TMEM230: variants seen among roughly 807,000 people sequenced by gnomAD.
TMEM230 encodes the protein transmembrane protein 230.
In TMEM230, 10 loss-of-function variants were observed where a neutral mutation model predicts 15.8. The ratio of observed to expected loss-of-function variants is 0.63; its 90% CI spans 0.39 to 1.07. The LOEUF (loss-of-function observed/expected upper bound fraction) is 1.07. Among genes scored for constraint, TMEM230 ranks in the 50% least tolerant of loss-of-function variants. The pLI is 0.01. For synonymous variants in TMEM230, 67 were observed against 76.9 expected (o/e 0.87, Z 0.68); for missense variants, 165 against 193.3 (o/e 0.85, Z 0.87).
chr20:5,103,951 C>G (rs6116650), intron 4 of TMEM230, among the ~76,000 whole-genome samples: 33,936 of 151,998 alleles, frequency 0.22, 6,773 homozygotes, highest in African/African-American at 0.54. Flanking sequence ...AGATCACATC[C>G]GGTTAAAAAG....
chr20:5,059,763 ATTTTTTTTTTTT>A, the TMEM230 span, among the ~76,000 whole-genome samples: 7 of 61,266 alleles, frequency 1.1e-4, no homozygotes, highest in African/African-American at 3.5e-4. Flanking sequence ...CTTCCAGCTA[ATTTTTTTTTTTT>A]TTTTTTTTTT....
At chr20:5,090,475 G>C (rs928477152) in intron 3 of TMEM230, among the ~76,000 whole-genome samples, 2 of 152,210 alleles carry the variant, frequency 1.3e-5, no homozygotes, top group African/African-American at 4.8e-5. Context: ...GGCAGGAAGA[G>C]GACAGGGCAG....
chr20:5,110,629 C>T (rs2090274958), intron 2 of TMEM230, among the ~76,000 whole-genome samples: 1 of 152,166 alleles, frequency 6.6e-6, no homozygotes, highest in East Asian at 1.9e-4. Context: ...CCAGAAGCGC[C>T]CACCTCTCTG....
chr20:5,077,832 A>G (rs2089051307), intron 3 of TMEM230, among the ~76,000 whole-genome samples: 1 of 131,712 alleles, frequency 7.6e-6, no homozygotes, highest in South Asian at 2.2e-4. Flanking sequence ...AGACTCAACT[A>G]AAAAAAAAAA....
chr20:5,081,876 T>C (rs967159451), intron 3 of TMEM230, among the ~76,000 whole-genome samples: 1 of 42,638 alleles, frequency 2.3e-5, no homozygotes, highest in South Asian at 3.0e-3. Context: ...TTTTTTTCTT[T>C]TTTTTTTTTT....
chr20:5,072,144 A>G (rs2088847325), intron 3 of TMEM230, among the ~76,000 whole-genome samples: 1 of 152,066 alleles, frequency 6.6e-6, no homozygotes, highest in South Asian at 2.1e-4. Flanking sequence ...TTGACCTCCT[A>G]GGTTCAGGTG....
intron 4 of TMEM230, among the ~76,000 whole-genome samples, chr20:5,105,146 G>C (rs762476739): frequency 8.5e-5 from 13 of 152,128 alleles, no homozygotes; most frequent in Non-Finnish European, 1.8e-4. Context: ...TAAGCCAAGT[G>C]TGCTGGCTTG....
At chr20:5,062,373 T>TAAAA in the TMEM230 span, among the ~76,000 whole-genome samples, 1 of 137,536 alleles carries the variant, frequency 7.3e-6, no homozygotes, top group East Asian at 2.1e-4. Flanking sequence ...CTGTCTCAAT[T>TAAAA]AAAAAAAAAA....
intron 3 of TMEM230, among the ~76,000 whole-genome samples, chr20:5,086,556 A>AG (rs1405853303): frequency 6.6e-6 from 1 of 150,678 alleles, no homozygotes; most frequent in Non-Finnish European, 1.5e-5. Context: ...AAAAAAAAAA[A>AG]AAGAAGAAAA....
exon 4 of TMEM230, chr20:5,068,999 G>T: frequency 1.7e-6 from 1 of 574,348 alleles, no homozygotes; most frequent in Non-Finnish European, 3.0e-6. Context: ...AGGGGGTAGA[G>T]GGCAGCTGGA....
At chr20:5,063,257 T>A (rs2088622821), downstream of TMEM230, among the ~76,000 whole-genome samples, 1 of 147,722 alleles carries the variant, frequency 6.8e-6, no homozygotes, top group African/African-American at 2.5e-5. Context: ...TCAACAGGAA[T>A]CACTAAGTAG....
intron 4 of TMEM230, among the ~76,000 whole-genome samples, chr20:5,102,660 C>T (rs1416739113): frequency 7.1e-6 from 1 of 140,800 alleles, no homozygotes; most frequent in Non-Finnish European, 1.5e-5. Context: ...CACTGCACTA[C>T]ACCTGCATGA....
In TMEM230 at chr20:5,072,469, A is replaced by G. The variant is rs577261723; in HGVS notation, c.223-3120T>C. 3.7e-4 allele frequency among the ~76,000 whole-genome samples: 56 copies of G among 152,248 alleles called. 1 individual carries two copies. Among genetic ancestry groups the G allele is most frequent in the African/African-American group, 1.3e-3 (53 of 41,530 alleles). On this transcript the variant is annotated intron_variant, in intron 3 of 3. Coordinates refer to the TMEM230 transcript ENST00000612323. ...TTGGCCAAGAAGAACTCTCCCCGGCATCTTTCTACCTGGAGCTGGTAGGAA... is the reference window on the plus strand; with the variant it reads ...TTGGCCAAGAAGAACTCTCCCCGGCGTCTTTCTACCTGGAGCTGGTAGGAA...
chr20:5,109,176 T>C (rs1311685052), intron 3 of TMEM230, 156 bp downstream of exon 2: 4 of 584,290 alleles, frequency 6.8e-6, no homozygotes, highest in Non-Finnish European at 1.2e-5. Context: ...GGCCCTCTTC[T>C]GCGATTATGG....
intron 3 of TMEM230, among the ~76,000 whole-genome samples, chr20:5,089,530 G>A (rs1038165013): frequency 6.6e-6 from 1 of 150,740 alleles, no homozygotes; most frequent in African/African-American, 2.4e-5. Flanking sequence ...GCAAAACCCC[G>A]TCTCCACTAA....
intron 3 of TMEM230, among the ~76,000 whole-genome samples, chr20:5,088,230 AC>A (rs1406657176): frequency 1.4e-4 from 21 of 145,182 alleles, no homozygotes; most frequent in African/African-American, 5.4e-4. Context: ...AATTGCTTGA[AC>A]CCGGGAGGCA....
At chr20:5,062,503 C>T in the TMEM230 span, among the ~76,000 whole-genome samples, 1 of 152,144 alleles carries the variant, frequency 6.6e-6, no homozygotes, top group Non-Finnish European at 1.5e-5. Flanking sequence ...CACCTGTAAT[C>T]CCAGCACTTT....
intron 3 of TMEM230, among the ~76,000 whole-genome samples, chr20:5,107,139 A>G (rs2090125885): frequency 6.6e-6 from 1 of 152,094 alleles, no homozygotes; most frequent in Non-Finnish European, 1.5e-5. Flanking sequence ...TCGTCTCTAC[A>G]AAAAATACAA....
the TMEM230 span, among the ~76,000 whole-genome samples, chr20:5,060,357 G>C: frequency 2.9e-5 from 3 of 105,130 alleles, no homozygotes; most frequent in African/African-American, 1.1e-4. Context: ...TTTTTTTTGA[G>C]ATGGAGTCTT....
Sources: gnomAD v4.1 joint callset for allele counts (sites outside exome capture counted in the v4.1 genomes callset) on GRCh38, gnomAD v4.1.1 for gene constraint, MANE v1.5 for transcripts, NCBI Gene and HGNC (gene_info 2026-07-23, HGNC 2026-07-21) for gene names.